Variants in PRKD1 observed in about 807,000 individuals in gnomAD.
PRKD1 encodes protein kinase D1, also known as serine/threonine-protein kinase D1.
PRKD1 carries 63 observed loss-of-function variants against 95.9 expected under a neutral mutation model. That is an observed-to-expected ratio of 0.66 (90% CI 0.54 to 0.81). The LOEUF is 0.81. Among genes scored for constraint, PRKD1 ranks in the 30% least tolerant of loss-of-function variants. The probability of loss-of-function intolerance (pLI) is 0.00; values close to 1 mark genes in which losing one functional copy is unlikely to be tolerated. For missense variants in PRKD1, 1,048 were observed against 1,165.3 expected, an observed-to-expected ratio of 0.90 and a Z score of 1.47; for synonymous variants, 425 against 423.1, an observed-to-expected ratio of 1.00 and a Z score of -0.05.
intron 1 of PRKD1, among the ~76,000 whole-genome samples, chr14:29,789,874 C>T (rs1308865980): frequency 6.6e-6 from 1 of 152,074 alleles, no homozygotes; most frequent in East Asian, 1.9e-4. Flanking sequence ...TCTTCAGGCT[C>T]CCTGATAGTG....
chr14:29,638,624 T>C, intron 5 of PRKD1, 58 bp from the exon 6 acceptor site: 1 of 1,612,494 alleles, frequency 6.2e-7, no homozygotes, highest in Non-Finnish European at 8.5e-7. Flanking sequence ...AGAAAAGTGG[T>C]AACCAGAAAA....
chr14:29,659,119 A>G (rs183132346), intron 4 of PRKD1, among the ~76,000 whole-genome samples: 58 of 152,322 alleles, frequency 3.8e-4, no homozygotes, highest in Non-Finnish European at 7.4e-5. Flanking sequence ...ATCAAGATAT[A>G]TAATATTGCC....
intron 2 of PRKD1, among the ~76,000 whole-genome samples, chr14:29,708,854 C>T (rs977555232): frequency 1.3e-5 from 2 of 152,062 alleles, no homozygotes; most frequent in Admixed American, 1.3e-4. Flanking sequence ...CAGAGCAAGT[C>T]CCTGTCTCAA....
At chr14:29,586,907 G>A (rs1009583435) in intron 16 of PRKD1, among the ~76,000 whole-genome samples, 7 of 152,138 alleles carry the variant, frequency 4.6e-5, no homozygotes, top group African/African-American at 1.7e-4. Flanking sequence ...TTACAGGTGT[G>A]AGCCACCGTG....
At chr14:29,690,574 CTCTT>C (rs1247747846) in intron 2 of PRKD1, among the ~76,000 whole-genome samples, 5 of 152,160 alleles carry the variant, frequency 3.3e-5, no homozygotes, top group African/African-American at 1.2e-4. Context: ...GCTTCAATGT[CTCTT>C]TCCCCTGCTT....
intron 1 of PRKD1, among the ~76,000 whole-genome samples, chr14:29,788,729 T>C (rs1407445135): frequency 1.3e-5 from 2 of 152,166 alleles, no homozygotes; most frequent in African/African-American, 4.8e-5. Flanking sequence ...TTCTCCTCTT[T>C]TGATTTCTTC....
At position 29,710,669 on chromosome 14, in the gene PRKD1, T is replaced by C. The variant is rs35174310; in HGVS notation, c.403+14867A>G. On this transcript the variant is annotated intron_variant, in intron 2 of 17. Coordinates refer to ENST00000331968, the MANE Select transcript of PRKD1 (RefSeq NM_002742.3). ...GAAACAGGACATTAATGAAAAAGAT[T>C]GGTAAGTTCAAATCATATACCAATG... 1.7e-3 allele frequency among the ~76,000 whole-genome samples: 261 copies of C among 152,162 alleles called. 2 individuals carry two copies. Among genetic ancestry groups the C allele is most frequent in the Admixed American group, 4.7e-3 (71 of 15,262 alleles).
At chr14:29,663,369 A>G (rs1269683676) in intron 4 of PRKD1, among the ~76,000 whole-genome samples, 1 of 152,026 alleles carries the variant, frequency 6.6e-6, no homozygotes, top group African/African-American at 2.4e-5. Context: ...TAATCTTCAG[A>G]GAACATTTTG....
intron 1 of PRKD1, among the ~76,000 whole-genome samples, chr14:29,795,339 T>C (rs1453621104): frequency 2.6e-5 from 4 of 152,032 alleles, no homozygotes; most frequent in Non-Finnish European, 1.5e-5. Context: ...ATATACTAAA[T>C]GTCATCCTGT....
intron 4 of PRKD1, among the ~76,000 whole-genome samples, chr14:29,649,769 C>CT (rs781639968): frequency 1.3e-5 from 2 of 152,064 alleles, no homozygotes; most frequent in Non-Finnish European, 2.9e-5. Flanking sequence ...CCCATAAAGC[C>CT]TTTTTTAAAG....
At chr14:29,893,190 T>A (rs1025784035) in intron 1 of PRKD1, among the ~76,000 whole-genome samples, 2 of 152,088 alleles carry the variant, frequency 1.3e-5, no homozygotes, top group African/African-American at 2.4e-5. Context: ...CTAGTAGAGA[T>A]GGTAGAAAGG....
At chr14:29,676,507 A>G (rs1039638801) in intron 2 of PRKD1, among the ~76,000 whole-genome samples, 4 of 152,152 alleles carry the variant, frequency 2.6e-5, no homozygotes, top group Non-Finnish European at 4.4e-5. Flanking sequence ...GGCATGTGCC[A>G]CCAAGCCCAG....
Position 29,810,693 on chromosome 14 carries a change from A to G in PRKD1, c.265-85019T>C, listed in dbSNP as rs527351696. Among the ~76,000 whole-genome samples, 19 of 152,362 alleles carry G rather than the reference A, an allele frequency of 1.2e-4. No individual in the cohort carries two copies. In the South Asian group the frequency reaches 2.7e-3, roughly 22 times the overall value. ...CTTATTGTGGTGACATTAGCTTGGCACTTAAGAAAATGCTTCCAGGTGGCA... is the reference window on the plus strand; with the variant it reads ...CTTATTGTGGTGACATTAGCTTGGCGCTTAAGAAAATGCTTCCAGGTGGCA... On this transcript the variant is annotated intron_variant, in intron 1 of 17. Coordinates refer to ENST00000331968, the MANE Select transcript of PRKD1 (RefSeq NM_002742.3).
intron 1 of PRKD1, among the ~76,000 whole-genome samples, chr14:29,818,868 T>C (rs950069145): frequency 1.3e-5 from 2 of 152,144 alleles, no homozygotes; most frequent in African/African-American, 4.8e-5. Context: ...GTAATAACTT[T>C]AATGTATATA....
intron 10 of PRKD1, among the ~76,000 whole-genome samples, chr14:29,629,496 C>T (rs187082275): frequency 3.3e-5 from 5 of 152,052 alleles, no homozygotes; most frequent in African/African-American, 1.2e-4. Flanking sequence ...ATATAAAGTG[C>T]TTAGCACTAA....
At chr14:29,901,138 C>G (rs867475334) in intron 1 of PRKD1, among the ~76,000 whole-genome samples, 3 of 152,124 alleles carry the variant, frequency 2.0e-5, no homozygotes, top group Non-Finnish European at 2.9e-5. Flanking sequence ...ACATTTACAC[C>G]ATGGAATATT....
At chr14:29,803,488 C>T (rs925464396) in intron 1 of PRKD1, among the ~76,000 whole-genome samples, 5 of 152,124 alleles carry the variant, frequency 3.3e-5, no homozygotes, top group African/African-American at 1.2e-4. Flanking sequence ...TTGTTAAAAA[C>T]ATAGTTGGTA....
intron 2 of PRKD1, among the ~76,000 whole-genome samples, chr14:29,694,215 T>C (rs66477564): frequency 0.069 from 10,504 of 152,246 alleles, 924 homozygotes; most frequent in African/African-American, 0.2. Context: ...GTTCCAACTA[T>C]GCAGAATACA....
chr14:29,741,677 C>T (rs572345653), intron 1 of PRKD1, among the ~76,000 whole-genome samples: 3 of 152,134 alleles, frequency 2.0e-5, no homozygotes, highest in South Asian at 2.1e-4. Flanking sequence ...CCTTCTATAA[C>T]TTCAATACAG....
Sources: allele counts gnomAD v4.1 joint callset (sites outside exome capture counted in the v4.1 genomes callset), GRCh38; gene constraint gnomAD v4.1.1; transcripts MANE v1.5; gene names NCBI Gene and HGNC (gene_info 2026-07-23, HGNC 2026-07-21).